CTXND1: variants seen among roughly 807,000 people sequenced by gnomAD.
CTXND1 encodes the protein cortexin domain containing 1.
chr15:80,227,059 C>T (rs1027570453), intron 1 of CTXND1, among the ~76,000 whole-genome samples: 4 of 152,158 alleles, frequency 2.6e-5, no homozygotes, highest in Non-Finnish European at 4.4e-5. Context: ...ATTGAGTGCA[C>T]ATAGCAGATG....
At position 80,200,347 on chromosome 15, in the gene CTXND1, G is replaced by A. The variant is rs1361242170; in HGVS notation, c.*1423C>T. The stretch of plus-strand genomic sequence containing the variant: ...TCACTTTACAGGTGAGGAAATTGGG[G>A]CTCAGAGAGGCTGAGTGAGTTATTT... On this transcript the variant is annotated 3_prime_UTR_variant, in exon 3 of 3. Coordinates refer to ENST00000560778, the MANE Select transcript of CTXND1 (RefSeq NM_001352888.2). The A allele has an allele frequency of 2.6e-4, 40 of 152,224 alleles. No individual in the cohort carries two copies. Among genetic ancestry groups the A allele is most frequent in the Admixed American group, 2.6e-3 (40 of 15,278 alleles). The allele number at this position is 152,224 out of a possible 1,614,324, so 9.4% of individuals were successfully genotyped here.
At chr15:80,243,846 C>T (rs1050352214) in intron 1 of CTXND1, among the ~76,000 whole-genome samples, 3 of 152,130 alleles carry the variant, frequency 2.0e-5, no homozygotes, top group African/African-American at 7.2e-5. Flanking sequence ...TTTGGGGCTA[C>T]CAGCTTAGAT....
At chr15:80,250,468 T>C (rs1238626953) in intron 1 of CTXND1, among the ~76,000 whole-genome samples, 1 of 152,210 alleles carries the variant, frequency 6.6e-6, no homozygotes, top group Non-Finnish European at 1.5e-5. Flanking sequence ...TGTATTTGGG[T>C]TAGAGATACA....
At chr15:80,238,486 GTTT>G (rs1325767977) in intron 1 of CTXND1, among the ~76,000 whole-genome samples, 1 of 133,626 alleles carries the variant, frequency 7.5e-6, no homozygotes. Context: ...AACCATGTTT[GTTT>G]TTTTTTTTTT....
chr15:80,197,992 G>C lies in CTXND1; in HGVS notation c.*3778C>G, dbSNP rs1017912395. 7 of 152,204 alleles carry C rather than the reference G, an allele frequency of 4.6e-5. No individual in the cohort carries two copies. Among genetic ancestry groups the C allele is most frequent in the African/African-American group, 1.4e-4 (6 of 41,452 alleles). The allele number at this position is 152,204 out of a possible 1,614,324, so 9.4% of individuals were successfully genotyped here. A position where few individuals can be genotyped will look rare whatever the true frequency, so the allele number is the denominator to read the frequency against. ...GGGAATGATATGCCAGGATGGTAAAGCTAGGGTCCTACTATACATATCCAC... is the reference window on the plus strand; with the variant it reads ...GGGAATGATATGCCAGGATGGTAAACCTAGGGTCCTACTATACATATCCAC... On this transcript the variant is annotated 3_prime_UTR_variant, in exon 3 of 3. Coordinates refer to ENST00000560778, the MANE Select transcript of CTXND1 (RefSeq NM_001352888.2).
At chr15:80,215,105 TG>T (rs1334376147) in intron 1 of CTXND1, among the ~76,000 whole-genome samples, 1 of 152,206 alleles carries the variant, frequency 6.6e-6, no homozygotes, top group Admixed American at 6.5e-5. Flanking sequence ...ACAATCTCCA[TG>T]GGGTGTCTGT....
intron 1 of CTXND1, among the ~76,000 whole-genome samples, chr15:80,208,285 T>C (rs1438661849): frequency 2.6e-5 from 4 of 152,168 alleles, no homozygotes; most frequent in African/African-American, 7.2e-5. Flanking sequence ...ATACACACAA[T>C]AGAGGGCTAG....
rs969836032 is a variant in CTXND1, at chr15:80,223,923, C to T, written c.-217-20183G>A. 9.2e-5 allele frequency among the ~76,000 whole-genome samples: 14 copies of T among 152,228 alleles called. No individual in the cohort carries two copies. In the Middle Eastern group the frequency reaches 0.01, roughly 111 times the overall value. Reference sequence around the variant, plus strand: ...GAAGAGGTTGAGTCCATGCGTCCCCCCATTGAGCCTGGGTAGGCCTTTGTG... The same window carrying T: ...GAAGAGGTTGAGTCCATGCGTCCCCTCATTGAGCCTGGGTAGGCCTTTGTG... On this transcript the variant is annotated intron_variant, in intron 1 of 2. Coordinates refer to ENST00000560778, the MANE Select transcript of CTXND1 (RefSeq NM_001352888.2).
intron 1 of CTXND1, among the ~76,000 whole-genome samples, chr15:80,234,785 A>G (rs1391395322): frequency 6.6e-6 from 1 of 151,832 alleles, no homozygotes; most frequent in South Asian, 2.1e-4. Flanking sequence ...GCCTCAGCAT[A>G]CTCTTTTGAT....
intron 1 of CTXND1, among the ~76,000 whole-genome samples, chr15:80,247,233 T>C (rs1236635682): frequency 6.6e-6 from 1 of 152,168 alleles, no homozygotes; most frequent in Non-Finnish European, 1.5e-5. Flanking sequence ...TGTTGATGAC[T>C]AGATCTCTCC....
At chr15:80,235,054 T>C (rs572688581) in intron 1 of CTXND1, among the ~76,000 whole-genome samples, 2 of 152,288 alleles carry the variant, frequency 1.3e-5, no homozygotes, top group South Asian at 2.1e-4. Flanking sequence ...TCTCTGTGTC[T>C]TGCAACCAGG....
intron 1 of CTXND1, among the ~76,000 whole-genome samples, chr15:80,236,401 T>C (rs905815330): frequency 1.3e-5 from 2 of 152,170 alleles, no homozygotes; most frequent in Non-Finnish European, 2.9e-5. Context: ...ACAGGCAGAA[T>C]TGAGTAGTTG....
intron 1 of CTXND1, among the ~76,000 whole-genome samples, chr15:80,237,570 CA>C (rs1484844123): frequency 1.3e-5 from 2 of 151,356 alleles, no homozygotes; most frequent in Non-Finnish European, 2.9e-5. Flanking sequence ...TAGTTTTTAA[CA>C]AAAAAATTTA....
intron 1 of CTXND1, among the ~76,000 whole-genome samples, chr15:80,207,306 T>C (rs60001981): frequency 0.014 from 2,163 of 152,224 alleles, 32 homozygotes; most frequent in African/African-American, 0.038. Flanking sequence ...TTTTTTCTTT[T>C]TATGCTGTAG....
Position 80,211,584 on chromosome 15 carries a change from C to T in CTXND1, c.-217-7844G>A, listed in dbSNP as rs145310994. 1.6e-3 allele frequency among the ~76,000 whole-genome samples: 237 copies of T among 152,136 alleles called. 2 individuals are homozygous for T. The highest frequency in any genetic ancestry group is 4.8e-3 in the Admixed American group (73 of 15,284). On this transcript the variant is annotated intron_variant, in intron 1 of 2. Coordinates refer to ENST00000560778, the MANE Select transcript of CTXND1 (RefSeq NM_001352888.2). ...AGTATATGTTAACAGATAATTAAAA[C>T]GATGACAATCAGCAGGGCGGGGGAG...
intron 1 of CTXND1, among the ~76,000 whole-genome samples, chr15:80,243,381 C>T (rs1028363940): frequency 6.6e-6 from 1 of 152,194 alleles, no homozygotes; most frequent in Non-Finnish European, 1.5e-5. Flanking sequence ...GTCACCTTAG[C>T]ATATTCTCTG....
intron 1 of CTXND1, among the ~76,000 whole-genome samples, chr15:80,233,028 C>T (rs1482935319): frequency 6.6e-6 from 1 of 151,126 alleles, no homozygotes; most frequent in Non-Finnish European, 1.5e-5. Context: ...CTGCAACCTC[C>T]GCCTCCCAGG....
At chr15:80,242,811 G>T (rs1403601091) in intron 1 of CTXND1, among the ~76,000 whole-genome samples, 1 of 152,316 alleles carries the variant, frequency 6.6e-6, no homozygotes, top group Admixed American at 6.5e-5. Context: ...ACTGCTCATG[G>T]AGTTGGTTTT....
chr15:80,204,193 T>C (rs1340638027), intron 1 of CTXND1, among the ~76,000 whole-genome samples: 4 of 36,924 alleles, frequency 1.1e-4, no homozygotes, highest in African/African-American at 5.2e-4. Flanking sequence ...TATATATATA[T>C]ATATATACAC....
Sources: gnomAD v4.1 joint callset for allele counts (sites outside exome capture counted in the v4.1 genomes callset) on GRCh38, gnomAD v4.1.1 for gene constraint, MANE v1.5 for transcripts, NCBI Gene and HGNC (gene_info 2026-07-23, HGNC 2026-07-21) for gene names.